SPIDR: variants seen among roughly 807,000 people sequenced by gnomAD.
The protein encoded by SPIDR is scaffold protein involved in DNA repair, also known as DNA repair-scaffolding protein.
SPIDR carries 93 observed loss-of-function variants against 104.6 expected under a neutral mutation model. The ratio of observed to expected loss-of-function variants is 0.89; its 90% CI spans 0.75 to 1.06. The LOEUF is 1.06. Ranked by LOEUF, SPIDR falls within the 50% of genes least tolerant of loss-of-function variation. The probability of loss-of-function intolerance (pLI) is 0.00; values close to 1 mark genes in which losing one functional copy is unlikely to be tolerated. For synonymous variants in SPIDR, 431 were observed against 416.9 expected (o/e 1.03, Z -0.41); for missense variants, 1,154 against 1,111.2 (o/e 1.04, Z -0.55).
chr8:47,564,964 C>T (rs995371162), intron 8 of SPIDR, among the ~76,000 whole-genome samples: 5 of 151,940 alleles, frequency 3.3e-5, no homozygotes, highest in South Asian at 2.1e-4. Flanking sequence ...AATTCATTGA[C>T]GGCCAGGCAC....
chr8:47,619,836 A>C (rs934290150), intron 10 of SPIDR, among the ~76,000 whole-genome samples: 2 of 152,156 alleles, frequency 1.3e-5, no homozygotes, highest in African/African-American at 4.8e-5. Context: ...AATATTAGTT[A>C]CAAAATAATT....
At chr8:47,578,296 C>T (rs553631068) in intron 8 of SPIDR, among the ~76,000 whole-genome samples, 1 of 152,156 alleles carries the variant, frequency 6.6e-6, no homozygotes, top group Non-Finnish European at 1.5e-5. Flanking sequence ...CACGGTGAAA[C>T]CCTGTCTCTA....
chr8:47,300,767 T>A (rs1342784184), intron 5 of SPIDR, among the ~76,000 whole-genome samples: 1 of 152,176 alleles, frequency 6.6e-6, no homozygotes, highest in Admixed American at 6.5e-5. Context: ...TTTGAGTGAG[T>A]TTCTTAATCC....
intron 7 of SPIDR, among the ~76,000 whole-genome samples, chr8:47,425,270 G>T (rs958988194): frequency 4.6e-5 from 7 of 152,128 alleles, no homozygotes; most frequent in African/African-American, 1.7e-4. Flanking sequence ...CATTTACTCA[G>T]CAGTTGCTCA....
intron 8 of SPIDR, among the ~76,000 whole-genome samples, chr8:47,577,196 T>C (rs930218034): frequency 6.6e-6 from 1 of 152,244 alleles, no homozygotes; most frequent in African/African-American, 2.4e-5. Context: ...GAGTGAGATC[T>C]TTATTGTTAG....
At chr8:47,313,439 C>T (rs1446776403) in intron 5 of SPIDR, among the ~76,000 whole-genome samples, 6 of 152,168 alleles carry the variant, frequency 3.9e-5, no homozygotes, top group Non-Finnish European at 5.9e-5. Context: ...AAGAACATTC[C>T]GTGCTCATGG....
chr8:47,308,093 A>T (rs587645618), intron 5 of SPIDR, among the ~76,000 whole-genome samples: 1 of 151,502 alleles, frequency 6.6e-6, no homozygotes, highest in East Asian at 2.0e-4. Flanking sequence ...GCAGAGTCTC[A>T]CTCTGTTGCC....
At chr8:47,374,359 G>A (rs1181499783) in intron 5 of SPIDR, among the ~76,000 whole-genome samples, 5 of 151,758 alleles carry the variant, frequency 3.3e-5, no homozygotes, top group Non-Finnish European at 5.9e-5. Context: ...CTGTCTCTTA[G>A]GGAAAAAGAA....
intron 7 of SPIDR, among the ~76,000 whole-genome samples, chr8:47,429,486 C>T (rs1359082520): frequency 2.0e-5 from 3 of 152,228 alleles, no homozygotes; most frequent in Non-Finnish European, 4.4e-5. Flanking sequence ...TGTAACTATA[C>T]TTCCAGTATC....
At chr8:47,379,830 G>T (rs1441540790) in intron 5 of SPIDR, among the ~76,000 whole-genome samples, 5 of 152,064 alleles carry the variant, frequency 3.3e-5, no homozygotes, top group Admixed American at 3.3e-4. Flanking sequence ...GGAGCTTCTG[G>T]GTGAGGAGCA....
chr8:47,718,441 A>G (rs2082888944), intron 16 of SPIDR, among the ~76,000 whole-genome samples: 1 of 151,568 alleles, frequency 6.6e-6, no homozygotes, highest in Non-Finnish European at 1.5e-5. Context: ...AGCCAGTTGT[A>G]TTTAGGCAGT....
intron 7 of SPIDR, among the ~76,000 whole-genome samples, chr8:47,420,325 A>T (rs1345121192): frequency 6.6e-6 from 1 of 152,080 alleles, no homozygotes; most frequent in Non-Finnish European, 1.5e-5. Flanking sequence ...TATATTTAGG[A>T]TAGTTAGCTC....
In SPIDR at chr8:47,711,026, C is replaced by T. The variant is rs573295640; in HGVS notation, c.1978-1636C>T. On this transcript the variant is annotated intron_variant, in intron 14 of 19. Transcript: ENST00000297423. Reference sequence around the variant, plus strand: ...TAATCCTCCCGCCTCAGCCTCCCAACGTGCTGGGATTACAGGTATGAGCCA... The same window carrying T: ...TAATCCTCCCGCCTCAGCCTCCCAATGTGCTGGGATTACAGGTATGAGCCA... 3.0e-3 allele frequency among the ~76,000 whole-genome samples: 457 copies of T among 152,106 alleles called. 3 individuals carry two copies. The highest frequency in any genetic ancestry group is 0.01 in the African/African-American group (430 of 41,510).
intron 8 of SPIDR, among the ~76,000 whole-genome samples, chr8:47,474,765 CACAGAGTTAATTTATT>C (rs1480829537): frequency 3.3e-5 from 5 of 152,230 alleles, no homozygotes; most frequent in African/African-American, 1.2e-4. Context: ...TTCAGTCCAA[CACAGAGTTAATTTATT>C]ACCTGTTCTC....
chr8:47,510,153 C>T (rs2082096448), intron 8 of SPIDR, among the ~76,000 whole-genome samples: 1 of 152,046 alleles, frequency 6.6e-6, no homozygotes, highest in South Asian at 2.1e-4. Context: ...AAATTCTCAC[C>T]TCAGAAGTTG....
intron 8 of SPIDR, among the ~76,000 whole-genome samples, chr8:47,440,946 C>T (rs1394361582): frequency 1.3e-5 from 2 of 152,074 alleles, no homozygotes; most frequent in Admixed American, 6.5e-5. Context: ...TTAAGATATA[C>T]TAGTGTTTGA....
intron 8 of SPIDR, among the ~76,000 whole-genome samples, chr8:47,535,232 C>G (rs1445857754): frequency 6.6e-6 from 1 of 152,172 alleles, no homozygotes; most frequent in Non-Finnish European, 1.5e-5. Context: ...TTTCTGCAAT[C>G]TCATCCAGAA....
At chr8:47,338,342 A>C (rs1221379313) in intron 5 of SPIDR, among the ~76,000 whole-genome samples, 1 of 152,248 alleles carries the variant, frequency 6.6e-6, no homozygotes, top group African/African-American at 2.4e-5. Context: ...TGAAATTGTC[A>C]AATGAAACAC....
At chr8:47,261,125 G>C in intron 1 of SPIDR, 134 bp downstream of exon 1, 1 of 1,051,124 alleles carries the variant, frequency 9.5e-7, no homozygotes, top group Non-Finnish European at 1.2e-6. Context: ...AGGTGGTGGC[G>C]GGTCCCGTCT....
Sources: gnomAD v4.1 joint callset for allele counts (sites outside exome capture counted in the v4.1 genomes callset) on GRCh38, gnomAD v4.1.1 for gene constraint, MANE v1.5 for transcripts, NCBI Gene and HGNC (gene_info 2026-07-23, HGNC 2026-07-21) for gene names.